The following DPYD variants were observed in gnomAD, a reference collection of about 807,000 sequenced individuals.
DPYD encodes dihydropyrimidine dehydrogenase [NADP(+)].
In DPYD, 109 loss-of-function variants were observed where a neutral mutation model predicts 116.2. The observed-to-expected ratio is 0.94, with a 90% confidence interval of 0.80 to 1.10. DPYD has a LOEUF of 1.10. DPYD is among the 50% of genes least tolerant of loss of function. DPYD has a pLI of 0.00. For synonymous variants in DPYD, 440 were observed against 432.0 expected (o/e 1.02, Z -0.23); for missense variants, 1,302 against 1,254.5 (o/e 1.04, Z -0.57).
At position 97,215,857 on chromosome 1, in the gene DPYD, T is replaced by C. The variant is rs141277159; in HGVS notation, c.2442+18995A>G. Among the ~76,000 whole-genome samples, 4 of 152,326 alleles carry C rather than the reference T, an allele frequency of 2.6e-5. No individual in the cohort carries two copies. The East Asian group carries it at 7.7e-4, about 29-fold the overall frequency. On this transcript the variant is annotated intron_variant, in intron 19 of 22. Transcript: ENST00000370192. ...GACCTAAGCATTCTTTTTGCCTTTC[T>C]GTTGCTCTATTTAAAATAATGACTA... is the stretch of plus-strand genomic sequence containing the variant.
chr1:97,234,806 T>C (rs1661796680), intron 19 of DPYD, 46 bp downstream of exon 19: 1 of 1,611,404 alleles, frequency 6.2e-7, no homozygotes. Flanking sequence ...ACATTGCATT[T>C]GTGAGATGGA....
chr1:97,239,561 A>AT (rs1662185885), intron 18 of DPYD, among the ~76,000 whole-genome samples: 1 of 152,024 alleles, frequency 6.6e-6, no homozygotes, highest in Admixed American at 6.6e-5. Flanking sequence ...GTAGTAGGTT[A>AT]TTTCAAGTTA....
chr1:97,169,765 T>C (rs531192142), intron 20 of DPYD, among the ~76,000 whole-genome samples: 1 of 152,236 alleles, frequency 6.6e-6, no homozygotes, highest in East Asian at 1.9e-4. Flanking sequence ...AAATCCTCCC[T>C]GTTGATGACT....
rs377136032 is a variant in DPYD, at chr1:97,305,389, C to A, written c.2180-11G>T. 3.1e-6 allele frequency: 5 copies of A among 1,611,934 alleles called. No individual in the cohort carries two copies. Among genetic ancestry groups the A allele is most frequent in the Non-Finnish European group, 2.5e-6 (3 of 1,178,662 alleles). On this transcript the variant is annotated splice_polypyrimidine_tract_variant and intron_variant, in intron 17 of 22. Transcript: ENST00000370192. ...CGCCATTGGCACCACCTATGCAAGACACATCAACATTTTCATGCAGCTCTT... is the reference window on the plus strand; with the variant it reads ...CGCCATTGGCACCACCTATGCAAGAAACATCAACATTTTCATGCAGCTCTT...
intron 13 of DPYD, among the ~76,000 whole-genome samples, chr1:97,466,048 C>G (rs951994231): frequency 1.3e-5 from 2 of 152,146 alleles, no homozygotes; most frequent in Non-Finnish European, 2.9e-5. Flanking sequence ...CCGCAGTAAG[C>G]TATGATTGCA....
chr1:97,206,868 C>A (rs534708628), intron 19 of DPYD, among the ~76,000 whole-genome samples: 1 of 150,696 alleles, frequency 6.6e-6, no homozygotes, highest in Non-Finnish European at 1.5e-5. Context: ...TATATTTATA[C>A]ATAGACACAT....
At chr1:97,491,934 G>A (rs1269864704) in intron 13 of DPYD, among the ~76,000 whole-genome samples, 1 of 152,028 alleles carries the variant, frequency 6.6e-6, no homozygotes, top group Non-Finnish European at 1.5e-5. Flanking sequence ...TGGTTTAAAT[G>A]TTACAGGGCT....
intron 20 of DPYD, among the ~76,000 whole-genome samples, chr1:97,179,178 G>C: frequency 6.6e-6 from 1 of 152,186 alleles, no homozygotes; most frequent in East Asian, 1.9e-4. Flanking sequence ...CGCAAAGTCA[G>C]ATGGCATTCC....
At chr1:97,496,399 A>G (rs964633816) in intron 13 of DPYD, among the ~76,000 whole-genome samples, 1 of 152,056 alleles carries the variant, frequency 6.6e-6, no homozygotes, top group Non-Finnish European at 1.5e-5. Context: ...ACTATTTTCT[A>G]CACTATTATC....
At chr1:97,268,778 A>G (rs944622151) in intron 18 of DPYD, among the ~76,000 whole-genome samples, 20 of 152,290 alleles carry the variant, frequency 1.3e-4, no homozygotes, top group African/African-American at 4.8e-4. Context: ...CTTGCCTTGA[A>G]GATCTCAGAA....
At position 97,306,199 on chromosome 1, in the gene DPYD, G is replaced by A. The variant is rs769645315; in HGVS notation, c.2157C>T (p.Ser719=). 1 of 1,612,548 alleles carries A rather than the reference G, an allele frequency of 6.2e-7. No homozygotes were observed. The highest frequency in any genetic ancestry group is 8.5e-7 in the Non-Finnish European group (1 of 1,178,914). Residue 719 remains serine (S), a synonymous_variant, in exon 17 of 23, where the codon AGC becomes AGT. Transcript: ENST00000370192. The part of the protein sequence containing the change: ...KLTPNVTDIV[S]IARAAKEGGA... ...TACCTTCCTTTGCAGCTCTTGCGAT[G>A]CTCACAATATCAGTGACATTTGGGG...
chr1:97,644,528 C>T (rs897897261), intron 8 of DPYD, among the ~76,000 whole-genome samples: 1 of 151,888 alleles, frequency 6.6e-6, no homozygotes, highest in Non-Finnish European at 1.5e-5. Flanking sequence ...TCTTGGATTC[C>T]AGAGATTCTC....
chr1:97,848,439 T>C lies in DPYD; in HGVS notation c.151-20243A>G, dbSNP rs573862172. Among the ~76,000 whole-genome samples, 4 of 152,332 alleles carry C rather than the reference T, an allele frequency of 2.6e-5. No individual in the cohort carries two copies. In the East Asian group the frequency reaches 7.7e-4, roughly 29 times the overall value. ...ACTTTTAGTGACTATTTTCCAAAAA[T>C]GTCATATTGAGTGAAGTGAAGTAAA... On this transcript the variant is annotated intron_variant, in intron 2 of 22. Coordinates refer to ENST00000370192, the MANE Select transcript of DPYD (RefSeq NM_000110.4).
chr1:97,672,496 A>C (rs976394296), intron 8 of DPYD, among the ~76,000 whole-genome samples: 1 of 152,200 alleles, frequency 6.6e-6, no homozygotes, highest in Non-Finnish European at 1.5e-5. Flanking sequence ...TAGATTAAAC[A>C]ATATTACAAA....
chr1:97,468,210 T>G (rs1422820472), intron 13 of DPYD, among the ~76,000 whole-genome samples: 2 of 152,258 alleles, frequency 1.3e-5, no homozygotes, highest in Non-Finnish European at 2.9e-5. Context: ...TTCTTACTGC[T>G]ACTTACATTA....
chr1:97,278,383 A>G (rs1290413659), intron 18 of DPYD, among the ~76,000 whole-genome samples: 1 of 152,212 alleles, frequency 6.6e-6, no homozygotes, highest in Non-Finnish European at 1.5e-5. Flanking sequence ...ATCACATTAC[A>G]GTTCAGGGCA....
chr1:97,186,924 CAT>C (rs1464217695), intron 20 of DPYD, among the ~76,000 whole-genome samples: 1 of 152,064 alleles, frequency 6.6e-6, no homozygotes, highest in Non-Finnish European at 1.5e-5. Context: ...CTATAAAATA[CAT>C]GATTTCATTC....
intron 14 of DPYD, 58 bp downstream of exon 14, chr1:97,450,001 A>C: frequency 1.9e-6 from 3 of 1,591,360 alleles, no homozygotes; most frequent in Non-Finnish European, 2.6e-6. Context: ...TGGATGTTTA[A>C]ATAAACATTC....
At chr1:97,461,808 A>G (rs1373298508) in intron 13 of DPYD, among the ~76,000 whole-genome samples, 1 of 152,224 alleles carries the variant, frequency 6.6e-6, no homozygotes, top group South Asian at 2.1e-4. Flanking sequence ...GCCTTAACAA[A>G]CAATTACTGG....
Sources: gnomAD v4.1 joint callset for allele counts (sites outside exome capture counted in the v4.1 genomes callset) on GRCh38, gnomAD v4.1.1 for gene constraint, MANE v1.5 for transcripts, NCBI Gene and HGNC (gene_info 2026-07-23, HGNC 2026-07-21) for gene names.